Variants in SNX3 observed in about 807,000 individuals in gnomAD.
The protein encoded by SNX3 is sorting nexin-3.
SNX3 carries 5 observed loss-of-function variants against 17.7 expected under a neutral mutation model. The ratio of observed to expected loss-of-function variants is 0.28; its 90% CI spans 0.15 to 0.59. The LOEUF (loss-of-function observed/expected upper bound fraction) is 0.59, where lower values mean the gene tolerates loss of function less well. SNX3 is among the 20% of genes least tolerant of loss of function. The probability of loss-of-function intolerance (pLI) is 0.88; values close to 1 mark genes in which losing one functional copy is unlikely to be tolerated. For missense variants in SNX3, 132 were observed against 206.8 expected, an observed-to-expected ratio of 0.64 and a Z score of 2.22; for synonymous variants, 91 against 76.5, an observed-to-expected ratio of 1.19 and a Z score of -0.99.
At chr6:108,239,133 C>T (rs1279812204) in intron 1 of SNX3, among the ~76,000 whole-genome samples, 1 of 152,094 alleles carries the variant, frequency 6.6e-6, no homozygotes, top group East Asian at 1.9e-4. Context: ...GAACTCCTGA[C>T]CTCAGGTGAT....
At chr6:108,257,057 G>C in intron 1 of SNX3, among the ~76,000 whole-genome samples, 1 of 152,272 alleles carries the variant, frequency 6.6e-6, no homozygotes, top group East Asian at 1.9e-4. Context: ...ATTTCAATCA[G>C]ATCCTGTAAA....
intron 1 of SNX3, among the ~76,000 whole-genome samples, chr6:108,226,703 G>T (rs557905466): frequency 6.6e-6 from 1 of 152,328 alleles, no homozygotes; most frequent in African/African-American, 2.4e-5. Context: ...GTAAGTAGCT[G>T]TCACTCAGCA....
At chr6:108,236,501 A>G (rs1775342343) in intron 1 of SNX3, among the ~76,000 whole-genome samples, 1 of 148,190 alleles carries the variant, frequency 6.7e-6, no homozygotes, top group East Asian at 2.0e-4. Context: ...CTCCTGCCTC[A>G]GCCTCCCGAG....
chr6:108,251,357 G>A (rs1426837218), intron 1 of SNX3, among the ~76,000 whole-genome samples: 1 of 152,128 alleles, frequency 6.6e-6, no homozygotes, highest in African/African-American at 2.4e-5. Flanking sequence ...TATCCTAGAA[G>A]GGCCAACCAC....
At chr6:108,222,842 A>T (rs1774841344) in intron 2 of SNX3, 108 bp downstream of exon 2, 1 of 719,524 alleles carries the variant, frequency 1.4e-6, no homozygotes, top group Non-Finnish European at 2.4e-6. Flanking sequence ...GAAAAAAAGA[A>T]ATCATATTTG....
intron 1 of SNX3, among the ~76,000 whole-genome samples, chr6:108,249,088 G>T (rs1562439000): frequency 1.3e-5 from 2 of 152,234 alleles, no homozygotes; most frequent in Non-Finnish European, 2.9e-5. Context: ...AGGTGTAATG[G>T]CTCACATCTG....
chr6:108,236,542 C>A (rs1775345703), intron 1 of SNX3, among the ~76,000 whole-genome samples: 1 of 151,210 alleles, frequency 6.6e-6, no homozygotes, highest in Non-Finnish European at 1.5e-5. Context: ...CGCCACTACG[C>A]CCGGCTAATT....
At chr6:108,223,688 C>T (rs1310567909) in intron 1 of SNX3, among the ~76,000 whole-genome samples, 1 of 150,876 alleles carries the variant, frequency 6.6e-6, no homozygotes, top group African/African-American at 2.4e-5. Flanking sequence ...TTAGTAGAGG[C>T]GGGGTTTCAC....
chr6:108,214,382 T>C lies in SNX3; in HGVS notation c.383+116A>G, dbSNP rs528769468. 2.9e-5 allele frequency: 27 copies of C among 932,836 alleles called. 1 individual carries two copies. The South Asian group carries it at 4.0e-4, about 14-fold the overall frequency. The allele number at this position is 932,836 out of a possible 1,614,324, so 57.8% of individuals were successfully genotyped here. A position where few individuals can be genotyped will look rare whatever the true frequency, so the allele number is the denominator to read the frequency against. On this transcript the variant is annotated intron_variant, in intron 3 of 3. Coordinates refer to ENST00000230085, the MANE Select transcript of SNX3 (RefSeq NM_003795.6). ...AGATACTTTTACTTTGTTTAAATGA[T>C]ATGAAAAGTTAGGAAATGGCTGAAA...
At chr6:108,257,637 G>C (rs554580865) in intron 1 of SNX3, among the ~76,000 whole-genome samples, 5 of 152,230 alleles carry the variant, frequency 3.3e-5, no homozygotes, top group Middle Eastern at 3.4e-3. Context: ...CTTACTATAT[G>C]GTGTCCTTAG....
chr6:108,256,683 C>T (rs1776041485), intron 1 of SNX3, among the ~76,000 whole-genome samples: 2 of 152,180 alleles, frequency 1.3e-5, no homozygotes, highest in Admixed American at 1.3e-4. Flanking sequence ...AAACAGTGGT[C>T]TCCAGGTAAA....
At chr6:108,255,526 A>C (rs968889965) in intron 1 of SNX3, among the ~76,000 whole-genome samples, 9 of 151,810 alleles carry the variant, frequency 5.9e-5, no homozygotes, top group African/African-American at 2.2e-4. Flanking sequence ...CTAATTTTTA[A>C]ATTTTTGTAG....
chr6:108,214,730 G>T, intron 2 of SNX3, 108 bp from the exon 3 acceptor site: 2 of 1,182,598 alleles, frequency 1.7e-6, no homozygotes, highest in Admixed American at 2.9e-5. Flanking sequence ...CCATCGTCCG[G>T]TCAAACTAGT....
chr6:108,233,909 T>C (rs1485671295), intron 1 of SNX3, among the ~76,000 whole-genome samples: 1 of 152,166 alleles, frequency 6.6e-6, no homozygotes, highest in Non-Finnish European at 1.5e-5. Flanking sequence ...TGTAAAGTCA[T>C]TATAAGTAAA....
intron 1 of SNX3, among the ~76,000 whole-genome samples, chr6:108,226,938 A>G (rs950996380): frequency 5.9e-5 from 9 of 152,194 alleles, no homozygotes; most frequent in African/African-American, 2.2e-4. Flanking sequence ...TGTTCATTGT[A>G]TAAATGACTA....
At chr6:108,248,045 T>A (rs542398707) in intron 1 of SNX3, among the ~76,000 whole-genome samples, 1 of 152,196 alleles carries the variant, frequency 6.6e-6, no homozygotes, top group Non-Finnish European at 1.5e-5. Flanking sequence ...TAACAAGGAA[T>A]CACTCCAGTA....
chr6:108,219,376 CAGG>C (rs1774685313), intron 2 of SNX3, among the ~76,000 whole-genome samples: 1 of 152,138 alleles, frequency 6.6e-6, no homozygotes, highest in South Asian at 2.1e-4. Flanking sequence ...GAGGCCAAGG[CAGG>C]AGGATTACTT....
chr6:108,255,534 T>C (rs2114771667), intron 1 of SNX3, among the ~76,000 whole-genome samples: 1 of 152,208 alleles, frequency 6.6e-6, no homozygotes, highest in Non-Finnish European at 1.5e-5. Context: ...TAAATTTTTG[T>C]AGGGACAGGG....
chr6:108,233,137 T>C lies in SNX3; in HGVS notation c.163-10092A>G, dbSNP rs549912508. Among the ~76,000 whole-genome samples the C allele has an allele frequency of 8.5e-5, 13 of 152,340 alleles. No homozygotes were observed. In the East Asian group the frequency reaches 2.5e-3, roughly 29 times the overall value. On this transcript the variant is annotated intron_variant, in intron 1 of 3. Transcript: ENST00000230085. ...TAGCTTAAATGCATAAACCAAGGAA[T>C]TCCAGATACTTTTCCTACATTGTCC...
Sources: allele counts gnomAD v4.1 joint callset (sites outside exome capture counted in the v4.1 genomes callset), GRCh38; gene constraint gnomAD v4.1.1; transcripts MANE v1.5; gene names NCBI Gene and HGNC (gene_info 2026-07-23, HGNC 2026-07-21).